The following SESTD1 variants were observed in gnomAD, a reference collection of about 807,000 sequenced individuals.
SESTD1 encodes SEC14 domain and spectrin repeat-containing protein 1.
SESTD1 carries 43 observed loss-of-function variants against 101.7 expected under a neutral mutation model. The ratio of observed to expected loss-of-function variants is 0.42; its 90% confidence interval spans 0.33 to 0.55. The LOEUF is 0.55. Among genes scored for constraint, SESTD1 ranks in the 20% least tolerant of loss-of-function variants. The probability of loss-of-function intolerance (pLI) is 0.07; values close to 1 mark genes in which losing one functional copy is unlikely to be tolerated. For missense variants in SESTD1, 647 were observed against 815.1 expected, an observed-to-expected ratio of 0.79 and a Z score of 2.51; for synonymous variants, 283 against 286.8, an observed-to-expected ratio of 0.99 and a Z score of 0.13.
chr2:179,113,915 C>T (rs930395265), intron 16 of SESTD1, among the ~76,000 whole-genome samples: 1 of 150,660 alleles, frequency 6.6e-6, no homozygotes, highest in Non-Finnish European at 1.5e-5. Flanking sequence ...GGCCAATTGT[C>T]ACCCTTTGAC....
At chr2:179,188,320 T>C (rs987619815) in intron 2 of SESTD1, among the ~76,000 whole-genome samples, 3 of 152,184 alleles carry the variant, frequency 2.0e-5, no homozygotes, top group African/African-American at 4.8e-5. Context: ...ACAGCTTGCA[T>C]TTGAATGAAT....
Position 179,188,474 on chromosome 2 carries a change from CA to C in SESTD1, c.55+3312del, listed in dbSNP as rs757515505. ...GCAACACAGCAAAACCCCATCTTTA[CA>C]AAAAATACAAAAATTGGCTGAGTAT... On this transcript the variant is annotated intron_variant, in intron 2 of 17. Coordinates refer to ENST00000428443, the MANE Select transcript of SESTD1 (RefSeq NM_178123.5). 1.4e-3 allele frequency among the ~76,000 whole-genome samples: 216 copies of C among 152,190 alleles called. 2 individuals carry two copies. Among genetic ancestry groups the C allele is most frequent in the Non-Finnish European group, 2.7e-3 (182 of 68,002 alleles).
intron 1 of SESTD1, among the ~76,000 whole-genome samples, chr2:179,243,175 A>C (rs1291230584): frequency 1.3e-5 from 2 of 152,224 alleles, no homozygotes; most frequent in Non-Finnish European, 2.9e-5. Context: ...CAAACTTGAA[A>C]AAAATGCTCA....
In SESTD1 at chr2:179,114,374, A is replaced by G. The variant is rs1389293047; in HGVS notation, c.1839+691T>C. ...AAAGTGTATCGAACATTCCCTACATATAAACTTTTATTGTAAGAGATCAAA... is the reference window on the plus strand; with the variant it reads ...AAAGTGTATCGAACATTCCCTACATGTAAACTTTTATTGTAAGAGATCAAA... On this transcript the variant is annotated intron_variant, in intron 16 of 17. Transcript: ENST00000428443. Among the ~76,000 whole-genome samples the G allele has an allele frequency of 3.3e-5, 5 of 152,210 alleles. No homozygotes were observed. In the East Asian group the frequency reaches 5.8e-4, roughly 18 times the overall value.
chr2:179,121,402 C>T (rs2044746963), intron 13 of SESTD1, among the ~76,000 whole-genome samples: 1 of 151,902 alleles, frequency 6.6e-6, no homozygotes, highest in Non-Finnish European at 1.5e-5. Context: ...AGAAACAGAT[C>T]AATGTAGATG....
intron 1 of SESTD1, 184 bp downstream of exon 1, chr2:179,264,315 G>A (rs2047526872): frequency 6.6e-6 from 1 of 151,866 alleles, no homozygotes; most frequent in Non-Finnish European, 1.5e-5. Context: ...GTTGGGAGCA[G>A]AGGCGGTGGC....
chr2:179,122,256 ATTTTCTGTT>A (rs950826476), intron 12 of SESTD1, among the ~76,000 whole-genome samples: 4 of 151,282 alleles, frequency 2.6e-5, no homozygotes, highest in Non-Finnish European at 4.4e-5. Context: ...ATAGAAAACA[ATTTTCTGTT>A]TTTTCTTCCT....
chr2:179,196,165 T>C (rs1365083656), intron 1 of SESTD1, among the ~76,000 whole-genome samples: 1 of 151,982 alleles, frequency 6.6e-6, no homozygotes, highest in Admixed American at 6.5e-5. Context: ...GGTCAGGGAG[T>C]TCCCTTTCCT....
At chr2:179,161,200 G>T (rs2045729935) in intron 5 of SESTD1, among the ~76,000 whole-genome samples, 1 of 151,776 alleles carries the variant, frequency 6.6e-6, no homozygotes, top group South Asian at 2.1e-4. Context: ...GGGATTACAG[G>T]TGTGGGCCAT....
intron 1 of SESTD1, among the ~76,000 whole-genome samples, chr2:179,258,361 T>C (rs2047431468): frequency 6.6e-6 from 1 of 152,218 alleles, no homozygotes; most frequent in Admixed American, 6.5e-5. Context: ...TTTTGTTTCA[T>C]ACATCCCTAG....
intron 1 of SESTD1, among the ~76,000 whole-genome samples, chr2:179,219,486 T>C (rs544861839): frequency 2.6e-5 from 4 of 152,370 alleles, no homozygotes; most frequent in African/African-American, 9.6e-5. Flanking sequence ...GCAGGCCCTT[T>C]GGCCTTGCAT....
At chr2:179,160,119 A>G (rs1314438460) in intron 5 of SESTD1, among the ~76,000 whole-genome samples, 2 of 152,208 alleles carry the variant, frequency 1.3e-5, no homozygotes, top group African/African-American at 2.4e-5. Flanking sequence ...AGCCTCCCCA[A>G]GTGCTGGGAT....
At chr2:179,131,614 G>A (rs192189609) in intron 10 of SESTD1, among the ~76,000 whole-genome samples, 14 of 152,152 alleles carry the variant, frequency 9.2e-5, no homozygotes, top group Admixed American at 2.0e-4. Context: ...GAGCTACCCC[G>A]TCCACAAACT....
rs538707127 is a variant in SESTD1, at chr2:179,170,210, CA to C, written c.369+1909del. 6.5e-3 allele frequency among the ~76,000 whole-genome samples: 591 copies of C among 91,248 alleles called. 4 individuals carry two copies. The highest frequency in any genetic ancestry group is 0.013 in the African/African-American group (333 of 25,766). The allele number at this position is 91,248 out of a possible 152,430, so 59.9% of individuals were successfully genotyped here. On this transcript the variant is annotated intron_variant, in intron 5 of 17. Transcript: ENST00000428443. ...TTTCTCCACCTGTGAAATCAGAAAG[CA>C]AAAAAAAAAAAAACTGAAAAAGAGG...
At chr2:179,233,860 C>T (rs762504073) in intron 1 of SESTD1, among the ~76,000 whole-genome samples, 41 of 151,948 alleles carry the variant, frequency 2.7e-4, no homozygotes, top group Non-Finnish European at 4.6e-4. Context: ...GTATGCATGC[C>T]CTGGTGTGTG....
chr2:179,239,534 A>T (rs1399582667), intron 1 of SESTD1, among the ~76,000 whole-genome samples: 1 of 152,154 alleles, frequency 6.6e-6, no homozygotes, highest in African/African-American at 2.4e-5. Flanking sequence ...TACACATTAG[A>T]ATCATGTGGG....
intron 5 of SESTD1, 121 bp downstream of exon 5, chr2:179,171,999 G>T: frequency 1.9e-6 from 1 of 525,546 alleles, no homozygotes; most frequent in Non-Finnish European, 3.4e-6. Flanking sequence ...TTATTACTTA[G>T]GCACTAATTA....
Position 179,170,273 on chromosome 2 carries a change from T to C in SESTD1, c.369+1847A>G, listed in dbSNP as rs2045908425. Among the ~76,000 whole-genome samples the C allele has an allele frequency of 2.6e-5, 4 of 151,814 alleles. No individual in the cohort carries two copies. The South Asian group carries it at 8.3e-4, about 32-fold the overall frequency. ...GTTAAAAAAATTTCTTGAAAACTGT[T>C]AAGAGAATGACAAGGCAAACAATAG... is the stretch of plus-strand genomic sequence containing the variant. On this transcript the variant is annotated intron_variant, in intron 5 of 17. Transcript: ENST00000428443.
At chr2:179,173,463 T>G (rs946553175) in intron 4 of SESTD1, among the ~76,000 whole-genome samples, 2 of 152,212 alleles carry the variant, frequency 1.3e-5, no homozygotes, top group Admixed American at 1.3e-4. Flanking sequence ...GACAAATATC[T>G]CACATATATA....
Sources: gnomAD v4.1 joint callset for allele counts (sites outside exome capture counted in the v4.1 genomes callset) on GRCh38, gnomAD v4.1.1 for gene constraint, MANE v1.5 for transcripts, NCBI Gene and HGNC (gene_info 2026-07-23, HGNC 2026-07-21) for gene names.